The following SLC22A7 variants were observed in gnomAD, a reference collection of about 807,000 sequenced individuals.
The protein encoded by SLC22A7 is solute carrier family 22 member 7, also known as hOAT2.
A neutral mutation model predicts 62.2 loss-of-function variants in SLC22A7; 48 were observed. The ratio of observed to expected loss-of-function variants is 0.77; its 90% CI spans 0.61 to 0.98. SLC22A7 has a LOEUF of 0.98. Among genes scored for constraint, SLC22A7 ranks in the 50% least tolerant of loss-of-function variants. The pLI is 0.00. For synonymous variants in SLC22A7, 276 were observed against 314.8 expected, an observed-to-expected ratio of 0.88 and a Z score of 1.30; for missense variants, 581 against 703.8, an observed-to-expected ratio of 0.83 and a Z score of 1.97.
In SLC22A7 at chr6:43,304,250, T is replaced by C. The variant is rs901229218; in HGVS notation, c.1592+6T>C. 3.3e-6 allele frequency: 5 copies of C among 1,530,738 alleles called. No homozygotes were observed. Among genetic ancestry groups the C allele is most frequent in the Non-Finnish European group, 4.4e-6 (5 of 1,136,332 alleles). The allele number at this position is 1,530,738 out of a possible 1,614,324, so 94.8% of individuals were successfully genotyped here. Reference sequence around the variant, plus strand: ...CAGGACGTGGAGAGAAAGAGGTGTGTGCACAGGACTGTGTCTGTGTACGTG... The same window carrying C: ...CAGGACGTGGAGAGAAAGAGGTGTGCGCACAGGACTGTGTCTGTGTACGTG... On this transcript the variant is annotated splice_donor_region_variant and intron_variant, in intron 10 of 10. Transcript: ENST00000372585.
rs376945988 is a variant in SLC22A7, at chr6:43,300,011, C to G, written c.772C>G (p.Arg258Gly). 1 of 1,614,134 alleles carries G rather than the reference C, an allele frequency of 6.2e-7. No individual in the cohort carries two copies. Among genetic ancestry groups the G allele is most frequent in the East Asian group, 2.2e-5 (1 of 44,882 alleles). ...GGTTGGGTACCTGATACGGGACTGGCGATGGCTTCTGCTAGCTGTCACCCT... is the reference window on the plus strand; with the variant it reads ...GGTTGGGTACCTGATACGGGACTGGGGATGGCTTCTGCTAGCTGTCACCCT... ...ALVGYLIRDWRWLLLAVTLPC... is the reference protein window; with the variant it reads ...ALVGYLIRDWGWLLLAVTLPC... Residue 258 changes from arginine (R) to glycine (G), a missense_variant, in exon 5 of 11, where the codon CGA becomes GGA. Coordinates refer to ENST00000372585, the MANE Select transcript of SLC22A7 (RefSeq NM_153320.2).
intron 10 of SLC22A7, 173 bp from the exon 11 acceptor site, chr6:43,304,498 A>C: frequency 3.3e-6 from 2 of 612,590 alleles, no homozygotes; most frequent in South Asian, 4.3e-5. Flanking sequence ...ATGTGTGCAC[A>C]CTCAAGTATG....
Position 43,301,136 on chromosome 6 carries a change from T to G in SLC22A7, c.829T>G (p.Trp277Gly), listed in dbSNP as rs181987182. Residue 277 changes from tryptophan to glycine, a missense_variant and splice_region_variant, in exon 6 of 11, where the codon TGG (tryptophan) becomes GGG (glycine). Physicochemically the swap from Trp to Gly is radical, Grantham distance 184. Transcript: ENST00000372585. ...PCAPGILSLW[W>G]VPESARWLLT... Reference sequence around the variant, plus strand: ...GATGGACCTTCTGCCTATTCCTAGGTGGGTGCCTGAGTCTGCACGCTGGCT... The same window carrying G: ...GATGGACCTTCTGCCTATTCCTAGGGGGGTGCCTGAGTCTGCACGCTGGCT... The G allele has an allele frequency of 6.1e-5, 98 of 1,614,096 alleles. No individual in the cohort carries two copies. Among genetic ancestry groups the G allele is most frequent in the Non-Finnish European group, 8.1e-5 (96 of 1,179,994 alleles).
Position 43,301,200 on chromosome 6 carries a change from T to TG in SLC22A7, c.894dup (p.Leu299AlafsTer13). ...CATGTGAAAGAGGCCCACAGGTACTTGCTCCACTGTGCCAGGCTCAATGGG... is the reference window on the plus strand; with the variant it reads ...CATGTGAAAGAGGCCCACAGGTACTTGGCTCCACTGTGCCAGGCTCAATGGG... On this transcript the variant is annotated frameshift_variant, in exon 6 of 11. Transcript: ENST00000372585. LOFTEE classifies it high-confidence loss of function. The TG allele has an allele frequency of 6.2e-7, 1 of 1,614,212 alleles. No homozygotes were observed. The highest frequency in any genetic ancestry group is 8.5e-7 in the Non-Finnish European group (1 of 1,180,030).
chr6:43,299,847 G>A lies in SLC22A7; in HGVS notation c.659-51G>A. The stretch of plus-strand genomic sequence containing the variant: ...AGAAGGCAGTTGTCAGAGTGAGGCT[G>A]AGCCCATCTGGTCCTCACTAACCAT... On this transcript the variant is annotated intron_variant, in intron 4 of 10. Transcript: ENST00000372585. This position sits in a 1 kb window ranked among gnomAD's most constrained non-coding sequence, Gnocchi z 4.4. The A allele has an allele frequency of 6.2e-7, 1 of 1,614,128 alleles. No individual in the cohort carries two copies. Among genetic ancestry groups the A allele is most frequent in the Middle Eastern group, 1.6e-4 (1 of 6,062 alleles).
chr6:43,299,747 C>T lies in SLC22A7; in HGVS notation c.624C>T (p.Ala208=), dbSNP rs770698100. The change falls in exon 4 of 11, where the codon GCC becomes GCT. Residue 208 remains alanine (A), a synonymous_variant. Coordinates refer to ENST00000372585, the MANE Select transcript of SLC22A7 (RefSeq NM_153320.2). This position sits in a 1 kb window ranked among gnomAD's most constrained non-coding sequence, Gnocchi z 4.4. ...TCACCCGCACCCTTACTGGCTCAGC[C>T]CTGGCTGGTTTTACCATCATCGTGA... is the stretch of plus-strand genomic sequence containing the variant. ...FAITRTLTGS[A]LAGFTIIVMP... 5 of 1,614,186 alleles carry T rather than the reference C, an allele frequency of 3.1e-6. No individual in the cohort carries two copies. In the South Asian group the frequency reaches 5.5e-5, roughly 18 times the overall value.
intron 6 of SLC22A7, 76 bp from the exon 7 acceptor site, chr6:43,301,507 T>A: frequency 8.3e-7 from 1 of 1,201,570 alleles, no homozygotes; most frequent in Non-Finnish European, 1.2e-6. Context: ...TAGAGAGGGG[T>A]GGGGGGAGAG....
chr6:43,298,975 G>T (rs1778635805), intron 1 of SLC22A7, 117 bp from the exon 2 acceptor site: 1 of 1,178,950 alleles, frequency 8.5e-7, no homozygotes, highest in Non-Finnish European at 1.2e-6. Flanking sequence ...AGGTGATTAA[G>T]GCAGGGAAGG....
At position 43,300,023 on chromosome 6, in the gene SLC22A7, C is replaced by G. The variant is rs1778684150; in HGVS notation, c.784C>G (p.Leu262Val). Residue 262 changes from leucine to valine, a missense_variant, in exon 5 of 11, where the codon CTA (leucine) becomes GTA (valine). Coordinates refer to ENST00000372585, the MANE Select transcript of SLC22A7 (RefSeq NM_153320.2). ...GATACGGGACTGGCGATGGCTTCTG[C>G]TAGCTGTCACCCTGCCTTGTGCCCC... Reference protein sequence around the residue: ...YLIRDWRWLLLAVTLPCAPGI... With the variant: ...YLIRDWRWLLVAVTLPCAPGI... 1 of 1,614,148 alleles carries G rather than the reference C, an allele frequency of 6.2e-7. No homozygotes were observed. Among genetic ancestry groups the G allele is most frequent in the Non-Finnish European group, 8.5e-7 (1 of 1,180,012 alleles).
upstream of SLC22A7, among the ~76,000 whole-genome samples, chr6:43,296,581 T>C (rs2150726269): frequency 6.6e-6 from 1 of 152,096 alleles, no homozygotes; most frequent in Middle Eastern, 3.4e-3. Flanking sequence ...AGGGTGGAGG[T>C]GTCTCCCCTT....
Position 43,303,983 on chromosome 6 carries a change from G to A in SLC22A7, c.1386-55G>A, listed in dbSNP as rs573653028. The stretch of plus-strand genomic sequence containing the variant: ...CCTGGAGGGAAGCCCTGTGGGGCAT[G>A]ACTCCAGGTAGGTGTGAACACCATC... On this transcript the variant is annotated intron_variant, in intron 9 of 10. Transcript: ENST00000372585. 5.8e-4 allele frequency: 799 copies of A among 1,382,224 alleles called. 2 individuals carry two copies. Among genetic ancestry groups the A allele is most frequent in the Non-Finnish European group, 3.0e-4 (316 of 1,039,430 alleles). 85.6% of individuals were successfully genotyped at this position (1,382,224 alleles called of 1,614,324 possible).
chr6:43,299,106 T>C lies in SLC22A7; in HGVS notation c.399+9T>C, dbSNP rs1562111994. The stretch of plus-strand genomic sequence containing the variant: ...CTCTTTTCCAGTCCCAGGTCGGTAT[T>C]TACATAATCCATCTGGAGGTGGAAT... On this transcript the variant is annotated intron_variant, in intron 2 of 10. Coordinates refer to ENST00000372585, the MANE Select transcript of SLC22A7 (RefSeq NM_153320.2). The surrounding 1 kb of genome is among the most constrained non-coding windows in gnomAD (Gnocchi z 4.4). The C allele has an allele frequency of 6.2e-7, 1 of 1,613,090 alleles. No homozygotes were observed. Among genetic ancestry groups the C allele is most frequent in the Non-Finnish European group, 8.5e-7 (1 of 1,179,440 alleles).
upstream of SLC22A7, among the ~76,000 whole-genome samples, chr6:43,296,671 T>C (rs1298522513): frequency 6.6e-6 from 1 of 151,742 alleles, no homozygotes; most frequent in African/African-American, 2.4e-5. Context: ...CACACTAGGG[T>C]GTGACATGCC....
chr6:43,297,394 A>G (rs1404057765), upstream of SLC22A7, among the ~76,000 whole-genome samples: 1 of 152,222 alleles, frequency 6.6e-6, no homozygotes, highest in Non-Finnish European at 1.5e-5. Context: ...GGAGAATCAG[A>G]TGAGAATAAA....
chr6:43,298,245 C>A (rs984530523), upstream of SLC22A7: 9 of 940,702 alleles, frequency 9.6e-6, no homozygotes, highest in African/African-American at 1.2e-4. Context: ...TGGCTGCAGG[C>A]TCTCCAGTCC....
chr6:43,299,902 G>A lies in SLC22A7; in HGVS notation c.663G>A (p.Leu221=). 1.9e-6 allele frequency: 3 copies of A among 1,614,180 alleles called. No individual in the cohort carries two copies. Among genetic ancestry groups the A allele is most frequent in the South Asian group, 1.1e-5 (1 of 91,078 alleles). ...GFTIIVMPLE[L]EWLDVEHRTV... is the part of the protein sequence containing the mutation. ...CTGTCTCCTGTCCTGGCCCAGAGCTGGAGTGGCTGGATGTGGAGCACCGCA... is the reference window on the plus strand; with the variant it reads ...CTGTCTCCTGTCCTGGCCCAGAGCTAGAGTGGCTGGATGTGGAGCACCGCA... The change falls in exon 5 of 11, where the codon CTG becomes CTA. Residue 221 remains leucine (L), a synonymous_variant. Transcript: ENST00000372585. The surrounding 1 kb of genome is among the most constrained non-coding windows in gnomAD (Gnocchi z 4.4).
In SLC22A7 at chr6:43,304,176, C is replaced by T. The variant is rs143334634; in HGVS notation, c.1524C>T (p.Thr508=). The part of the protein sequence containing the change: ...YGGIALLAAG[T]ALLLPETRQA... ...GGATCGCCCTGCTGGCTGCCGGCAC[C>T]GCCCTCCTGCTGCCAGAGACGAGGC... The change falls in exon 10 of 11, where the codon ACC becomes ACT. Residue 508 remains threonine, a synonymous_variant. Coordinates refer to ENST00000372585, the MANE Select transcript of SLC22A7 (RefSeq NM_153320.2). 1,681 of 1,600,172 alleles carry T rather than the reference C, an allele frequency of 1.1e-3. 2 individuals are homozygous for T. The highest frequency in any genetic ancestry group is 1.3e-3 in the Non-Finnish European group (1,557 of 1,172,090).
intron 5 of SLC22A7, among the ~76,000 whole-genome samples, chr6:43,300,621 G>A (rs1046474953): frequency 6.6e-6 from 1 of 152,106 alleles, no homozygotes; most frequent in African/African-American, 2.4e-5. Context: ...GGAAGTGTGG[G>A]AAGAGGTGTT....
chr6:43,302,129 T>A lies in SLC22A7; in HGVS notation c.1062-71T>A. 4 of 1,373,910 alleles carry A rather than the reference T, an allele frequency of 2.9e-6. No individual in the cohort carries two copies. Among genetic ancestry groups the A allele is most frequent in the Non-Finnish European group, 4.0e-6 (4 of 1,001,770 alleles). 85.1% of individuals were successfully genotyped at this position (1,373,910 alleles called of 1,614,324 possible). On this transcript the variant is annotated intron_variant, in intron 7 of 10. Transcript: ENST00000372585. The surrounding 1 kb of genome is among the most constrained non-coding windows in gnomAD (Gnocchi z 5.0). ...GAGATTGCCCTTGTAAAATGCCAAG[T>A]CTTCCTGAGAAGAGAGGCCAAAGAG...
Sources: gnomAD v4.1 joint callset for allele counts (sites outside exome capture counted in the v4.1 genomes callset) on GRCh38, gnomAD v4.1.1 for gene constraint, Gnocchi (gnomAD v3.1) non-coding constraint, MANE v1.5 for transcripts, NCBI Gene and HGNC (gene_info 2026-07-23, HGNC 2026-07-21) for gene names.